The following ZNF385D variants were observed in gnomAD, a reference collection of about 807,000 sequenced individuals.
ZNF385D encodes zinc finger protein 385D.
In ZNF385D, 15 loss-of-function variants were observed where a neutral mutation model predicts 35.8. The ratio of observed to expected loss-of-function variants is 0.42; its 90% confidence interval spans 0.28 to 0.64. The LOEUF is 0.64. ZNF385D is among the 30% of genes least tolerant of loss of function. The probability of loss-of-function intolerance (pLI) is 0.23; values close to 1 mark genes in which losing one functional copy is unlikely to be tolerated. For synonymous variants in ZNF385D, 212 were observed against 186.8 expected, an observed-to-expected ratio of 1.13 and a Z score of -1.10; for missense variants, 474 against 494.6, an observed-to-expected ratio of 0.96 and a Z score of 0.39.
upstream of ZNF385D, among the ~76,000 whole-genome samples, chr3:21,755,817 C>G (rs902379205): frequency 6.6e-6 from 1 of 152,134 alleles, no homozygotes; most frequent in African/African-American, 2.4e-5. Flanking sequence ...GAATGCCTAT[C>G]ATGTGCCAGG....
At chr3:21,873,922 T>C (rs185109899) in intron 3 of ZNF385D, among the ~76,000 whole-genome samples, 168 of 152,244 alleles carry the variant, frequency 1.1e-3, no homozygotes, top group Middle Eastern at 3.4e-3. Flanking sequence ...TTGGCTATTG[T>C]GAATAATGCT....
intron 3 of ZNF385D, among the ~76,000 whole-genome samples, chr3:22,128,704 C>G (rs1227528025): frequency 2.0e-5 from 3 of 152,082 alleles, no homozygotes; most frequent in Non-Finnish European, 4.4e-5. Context: ...TACAGAGCAG[C>G]AGAATTTTGA....
intron 3 of ZNF385D, among the ~76,000 whole-genome samples, chr3:22,138,469 A>G (rs1305749649): frequency 1.3e-5 from 2 of 152,106 alleles, no homozygotes; most frequent in African/African-American, 4.8e-5. Context: ...CAAAACAGAG[A>G]TATAGACCAA....
chr3:22,328,626 G>A (rs564687051), intron 2 of ZNF385D, among the ~76,000 whole-genome samples: 221 of 151,470 alleles, frequency 1.5e-3, no homozygotes, highest in African/African-American at 4.8e-3. Context: ...AGCTGGGCAT[G>A]GTGGTGTGCA....
At chr3:22,228,553 T>G (rs1001934313) in intron 2 of ZNF385D, among the ~76,000 whole-genome samples, 1 of 152,212 alleles carries the variant, frequency 6.6e-6, no homozygotes, top group Non-Finnish European at 1.5e-5. Context: ...AGTGGTCAGT[T>G]AAAATTTAGC....
chr3:22,189,472 T>C (rs1695871733), intron 2 of ZNF385D, among the ~76,000 whole-genome samples: 1 of 152,156 alleles, frequency 6.6e-6, no homozygotes, highest in Non-Finnish European at 1.5e-5. Flanking sequence ...TGACAATTCA[T>C]AGTATTCAAA....
At chr3:21,889,870 G>A (rs1698756257) in intron 3 of ZNF385D, among the ~76,000 whole-genome samples, 1 of 152,092 alleles carries the variant, frequency 6.6e-6, no homozygotes, top group African/African-American at 2.4e-5. Context: ...GTCTGTTCCA[G>A]GCCTTTTCCT....
At chr3:21,483,184 C>G (rs1704762697) in intron 4 of ZNF385D, among the ~76,000 whole-genome samples, 1 of 152,142 alleles carries the variant, frequency 6.6e-6, no homozygotes, top group Non-Finnish European at 1.5e-5. Context: ...ATCCTGGGAA[C>G]TATGCTATGT....
intron 3 of ZNF385D, among the ~76,000 whole-genome samples, chr3:21,945,145 C>CGTATATGTGT (rs1491139694): frequency 4.2e-4 from 63 of 151,244 alleles, no homozygotes; most frequent in African/African-American, 1.5e-3. Flanking sequence ...TATGTATATG[C>CGTATATGTGT]ATATATATAT....
intron 2 of ZNF385D, among the ~76,000 whole-genome samples, chr3:21,623,576 G>C (rs1452151139): frequency 6.6e-6 from 1 of 151,922 alleles, no homozygotes; most frequent in Non-Finnish European, 1.5e-5. Flanking sequence ...CCAGGAGTTC[G>C]AGCTATGATG....
chr3:22,036,447 C>G (rs1446359439), intron 3 of ZNF385D, among the ~76,000 whole-genome samples: 1 of 152,066 alleles, frequency 6.6e-6, no homozygotes, highest in South Asian at 2.1e-4. Flanking sequence ...GACAAGAAAA[C>G]TGACCTATCG....
chr3:21,691,873 C>A (rs2067297957), intron 1 of ZNF385D, among the ~76,000 whole-genome samples: 1 of 152,190 alleles, frequency 6.6e-6, no homozygotes, highest in African/African-American at 2.4e-5. Context: ...ACCCATTATA[C>A]AATAACTCTC....
At chr3:22,214,485 C>T (rs765844492) in intron 2 of ZNF385D, among the ~76,000 whole-genome samples, 50 of 152,152 alleles carry the variant, frequency 3.3e-4, no homozygotes, top group African/African-American at 6.5e-4. Flanking sequence ...CTGAGCCAGG[C>T]GGAACAGAGC....
rs1467767320 is a variant in ZNF385D, at chr3:21,417,191, G to C, written c.*4023C>G. Reference sequence around the variant, plus strand: ...TAGCTGCATTGGTCACTCGAATAAAGAATTTTTATTCCTGAGAGGATAAAA... The same window carrying C: ...TAGCTGCATTGGTCACTCGAATAAACAATTTTTATTCCTGAGAGGATAAAA... On this transcript the variant is annotated 3_prime_UTR_variant, in exon 8 of 8. Transcript: ENST00000281523. 1 of 152,070 alleles carries C rather than the reference G, an allele frequency of 6.6e-6. No individual in the cohort carries two copies. Among genetic ancestry groups the C allele is most frequent in the East Asian group, 1.9e-4 (1 of 5,198 alleles). The allele number at this position is 152,070 out of a possible 1,614,324, so 9.4% of individuals were successfully genotyped here. A position where few individuals can be genotyped will look rare whatever the true frequency, so the allele number is the denominator to read the frequency against.
chr3:21,671,599 A>C (rs1242576686), intron 1 of ZNF385D, among the ~76,000 whole-genome samples: 1 of 152,298 alleles, frequency 6.6e-6, no homozygotes, highest in African/African-American at 2.4e-5. Context: ...AACAACTCTA[A>C]TGATTTTTAA....
intron 3 of ZNF385D, among the ~76,000 whole-genome samples, chr3:21,765,726 GAGAGAA>G (rs1413572200): frequency 7.4e-6 from 1 of 135,768 alleles, no homozygotes; most frequent in Non-Finnish European, 1.7e-5. Flanking sequence ...CACACACAGA[GAGAGAA>G]AGAGAGAGAG....
intron 3 of ZNF385D, among the ~76,000 whole-genome samples, chr3:21,818,600 C>G (rs964500775): frequency 6.6e-6 from 1 of 151,952 alleles, no homozygotes; most frequent in Non-Finnish European, 1.5e-5. Context: ...CTTGCAACTA[C>G]ACATTAGAGC....
intron 3 of ZNF385D, among the ~76,000 whole-genome samples, chr3:22,095,188 A>T (rs1310437144): frequency 6.6e-6 from 1 of 151,034 alleles, no homozygotes; most frequent in African/African-American, 2.4e-5. Flanking sequence ...TGGTCTCCCA[A>T]AGCACTGTGA....
chr3:22,314,138 T>C (rs184396260), intron 2 of ZNF385D, among the ~76,000 whole-genome samples: 2 of 152,162 alleles, frequency 1.3e-5, no homozygotes, highest in Admixed American at 1.3e-4. Context: ...TTTATTTCCA[T>C]AGGTTTTTGG....
Sources: allele counts gnomAD v4.1 joint callset (sites outside exome capture counted in the v4.1 genomes callset), GRCh38; gene constraint gnomAD v4.1.1; transcripts MANE v1.5; gene names NCBI Gene and HGNC (gene_info 2026-07-23, HGNC 2026-07-21).